ADGRL2: variants seen among roughly 807,000 people sequenced by gnomAD.
ADGRL2 encodes adhesion G protein-coupled receptor L2, also known as calcium-independent alpha-latrotoxin receptor 2.
A neutral mutation model predicts 157.4 loss-of-function variants in ADGRL2; 44 were observed. The ratio of observed to expected loss-of-function variants is 0.28; its 90% CI spans 0.22 to 0.36. ADGRL2 has a LOEUF of 0.36. Among genes scored for constraint, ADGRL2 ranks in the 10% least tolerant of loss-of-function variants. The probability of loss-of-function intolerance (pLI) is 1.00; values close to 1 mark genes in which losing one functional copy is unlikely to be tolerated. For synonymous variants in ADGRL2, 585 were observed against 624.7 expected, an observed-to-expected ratio of 0.94 and a Z score of 0.95; for missense variants, 1,510 against 1,768.9, an observed-to-expected ratio of 0.85 and a Z score of 2.63.
chr1:81,720,096 G>T (rs1456475410), intron 1 of ADGRL2, among the ~76,000 whole-genome samples: 2 of 151,940 alleles, frequency 1.3e-5, no homozygotes, highest in Non-Finnish European at 2.9e-5. Flanking sequence ...AGTGAAAATG[G>T]AGATTCTTCT....
chr1:81,460,741 T>G (rs571181570), intron 2 of ADGRL2, among the ~76,000 whole-genome samples: 98 of 152,250 alleles, frequency 6.4e-4, no homozygotes, highest in Middle Eastern at 3.4e-3. Flanking sequence ...GACTAGAAAT[T>G]TCGATCTCCT....
At chr1:81,405,227 T>C (rs2076832046) in intron 1 of ADGRL2, among the ~76,000 whole-genome samples, 1 of 152,168 alleles carries the variant, frequency 6.6e-6, no homozygotes. Context: ...TCAATTTTAC[T>C]GAGATACTAT....
chr1:81,397,313 C>CTTTTTTTTTTTTTT (rs59449077), intron 1 of ADGRL2, among the ~76,000 whole-genome samples: 2 of 53,642 alleles, frequency 3.7e-5, no homozygotes, highest in African/African-American at 1.5e-4. Flanking sequence ...ATAATGTCTC[C>CTTTTTTTTTTTTTT]TTTTTTTTTT....
intron 3 of ADGRL2, among the ~76,000 whole-genome samples, chr1:81,629,047 G>A (rs535175760): frequency 2.0e-5 from 3 of 152,162 alleles, no homozygotes; most frequent in Non-Finnish European, 4.4e-5. Context: ...AGCTAGTAGA[G>A]TATCTGCCAA....
At chr1:81,396,236 T>C (rs1328875127) in intron 1 of ADGRL2, among the ~76,000 whole-genome samples, 1 of 152,212 alleles carries the variant, frequency 6.6e-6, no homozygotes, top group Non-Finnish European at 1.5e-5. Context: ...TTAAATGTAT[T>C]CCCAGGTAAT....
At chr1:81,552,146 G>C (rs190723565) in intron 2 of ADGRL2, among the ~76,000 whole-genome samples, 10 of 152,284 alleles carry the variant, frequency 6.6e-5, no homozygotes, top group African/African-American at 2.2e-4. Flanking sequence ...TCTGTTCACT[G>C]TTGACTAAGA....
intron 1 of ADGRL2, among the ~76,000 whole-genome samples, chr1:81,374,152 C>T (rs1049181061): frequency 6.6e-6 from 1 of 152,070 alleles, no homozygotes; most frequent in Middle Eastern, 3.2e-3. Context: ...TATACATATA[C>T]GTGGAGACAT....
At chr1:81,961,026 A>G (rs1298441653) in intron 11 of ADGRL2, among the ~76,000 whole-genome samples, 1 of 152,192 alleles carries the variant, frequency 6.6e-6, no homozygotes, top group East Asian at 1.9e-4. Context: ...GTCTCCTGGC[A>G]GAGGTCATAG....
chr1:81,445,918 C>T (rs1319213207), intron 2 of ADGRL2, among the ~76,000 whole-genome samples: 2 of 152,168 alleles, frequency 1.3e-5, no homozygotes, highest in Non-Finnish European at 2.9e-5. Flanking sequence ...ACTAAATTTA[C>T]TGATTTCACA....
chr1:81,702,057 T>A (rs72718841), intron 1 of ADGRL2, among the ~76,000 whole-genome samples: 1 of 152,102 alleles, frequency 6.6e-6, no homozygotes, highest in Non-Finnish European at 1.5e-5. Flanking sequence ...GTCTTGAGGG[T>A]TGAATGGAAA....
intron 3 of ADGRL2, among the ~76,000 whole-genome samples, chr1:81,628,923 T>C (rs2081960183): frequency 6.6e-6 from 1 of 152,246 alleles, no homozygotes; most frequent in Non-Finnish European, 1.5e-5. Flanking sequence ...TTAGATAGGC[T>C]TTAAGATTAT....
At chr1:81,880,362 G>A (rs2093953684) in intron 2 of ADGRL2, among the ~76,000 whole-genome samples, 1 of 152,174 alleles carries the variant, frequency 6.6e-6, no homozygotes, top group Non-Finnish European at 1.5e-5. Flanking sequence ...TCAGCCTTAA[G>A]TTCTTTCTTA....
At chr1:81,857,831 A>G (rs2093255845) in intron 2 of ADGRL2, among the ~76,000 whole-genome samples, 1 of 152,190 alleles carries the variant, frequency 6.6e-6, no homozygotes, top group Non-Finnish European at 1.5e-5. Flanking sequence ...TGGAGAGAAT[A>G]TCATTGCCTT....
chr1:81,449,975 T>C (rs577666367), intron 2 of ADGRL2, among the ~76,000 whole-genome samples: 1 of 152,130 alleles, frequency 6.6e-6, no homozygotes, highest in South Asian at 2.1e-4. Context: ...AAAACCAGAG[T>C]CTCTGAGGCT....
At chr1:81,792,757 T>C (rs1484172955) in intron 2 of ADGRL2, among the ~76,000 whole-genome samples, 4 of 152,104 alleles carry the variant, frequency 2.6e-5, no homozygotes, top group African/African-American at 9.7e-5. Context: ...AAACAGTATT[T>C]ACAATATTTA....
At chr1:81,695,979 G>A (rs2083435258), upstream of ADGRL2, among the ~76,000 whole-genome samples, 1 of 151,966 alleles carries the variant, frequency 6.6e-6, no homozygotes, top group Admixed American at 6.6e-5. Context: ...CAAATTGTTT[G>A]TAATTTATTA....
chr1:81,931,601 C>G (rs140640548), intron 3 of ADGRL2, among the ~76,000 whole-genome samples: 1 of 152,154 alleles, frequency 6.6e-6, no homozygotes, highest in African/African-American at 2.4e-5. Context: ...GGACTGAGTG[C>G]TTATGTAGTT....
chr1:81,608,980 G>T (rs531320109), intron 3 of ADGRL2, among the ~76,000 whole-genome samples: 1 of 152,214 alleles, frequency 6.6e-6, no homozygotes, highest in Admixed American at 6.5e-5. Context: ...GGTTTACATT[G>T]AGAAAGAGGA....
intron 1 of ADGRL2, among the ~76,000 whole-genome samples, chr1:81,316,650 A>G (rs868245387): frequency 3.3e-5 from 5 of 152,212 alleles, no homozygotes; most frequent in Admixed American, 6.5e-5. Flanking sequence ...TTTCTGACAG[A>G]AGGCATGTAT....
Sources: allele counts gnomAD v4.1 joint callset (sites outside exome capture counted in the v4.1 genomes callset), GRCh38; gene constraint gnomAD v4.1.1; transcripts MANE v1.5; gene names NCBI Gene and HGNC (gene_info 2026-07-23, HGNC 2026-07-21).